Variants in SLC5A11 observed in about 807,000 individuals in gnomAD.
SLC5A11 encodes the protein solute carrier family 5 member 11, also known as sodium/myo-inositol cotransporter 2.
A neutral mutation model predicts 69.8 loss-of-function variants in SLC5A11; 48 were observed. The observed-to-expected ratio is 0.69, with a 90% CI of 0.55 to 0.87. SLC5A11 has a LOEUF of 0.87. SLC5A11 is among the 40% of genes least tolerant of loss of function. The pLI, the probability that SLC5A11 is intolerant of heterozygous loss-of-function variation, is 0.00. For missense variants in SLC5A11, 784 were observed against 866.1 expected (o/e 0.91, Z 1.19); for synonymous variants, 319 against 342.4 (o/e 0.93, Z 0.75).
intron 1 of SLC5A11, among the ~76,000 whole-genome samples, chr16:24,858,070 G>A (rs1290260751): frequency 6.6e-6 from 1 of 152,106 alleles, no homozygotes; most frequent in Non-Finnish European, 1.5e-5. Context: ...CTGTAAAATG[G>A]GGATGATAAC....
At chr16:24,878,086 C>A (rs984010332) in intron 7 of SLC5A11, among the ~76,000 whole-genome samples, 2 of 152,184 alleles carry the variant, frequency 1.3e-5, no homozygotes, top group South Asian at 2.1e-4. Context: ...CCCGGTGGGG[C>A]GGACGTTGCA....
chr16:24,856,019 C>A (rs568230882), intron 1 of SLC5A11, among the ~76,000 whole-genome samples: 2 of 152,338 alleles, frequency 1.3e-5, no homozygotes, highest in African/African-American at 4.8e-5. Context: ...TCTGATCATA[C>A]CACTTTCTTA....
intron 1 of SLC5A11, among the ~76,000 whole-genome samples, chr16:24,854,079 G>A (rs2152222864): frequency 6.6e-6 from 1 of 152,210 alleles, no homozygotes; most frequent in Non-Finnish European, 1.5e-5. Context: ...TGAATAACTT[G>A]TTTATCTGCT....
intron 7 of SLC5A11, among the ~76,000 whole-genome samples, chr16:24,882,959 T>C (rs1224618853): frequency 6.6e-6 from 1 of 152,192 alleles, no homozygotes; most frequent in Non-Finnish European, 1.5e-5. Flanking sequence ...TTCGAAGATT[T>C]TTGCAGGTGG....
At chr16:24,875,588 G>A (rs751629542) in intron 5 of SLC5A11, 39 bp from the exon 7 acceptor site, 5 of 1,570,118 alleles carry the variant, frequency 3.2e-6, no homozygotes, top group Non-Finnish European at 2.6e-6. Context: ...TGCTGGTGGT[G>A]AAGTCCGCTG....
At chr16:24,878,229 A>T (rs2047812668) in intron 7 of SLC5A11, among the ~76,000 whole-genome samples, 1 of 152,226 alleles carries the variant, frequency 6.6e-6, no homozygotes, top group African/African-American at 2.4e-5. Context: ...TGTATCCCAG[A>T]ACTGTTTCTT....
chr16:24,860,725 T>C (rs1417603255), intron 2 of SLC5A11, among the ~76,000 whole-genome samples: 3 of 152,108 alleles, frequency 2.0e-5, no homozygotes, highest in Non-Finnish European at 4.4e-5. Flanking sequence ...TTTTTTGTTT[T>C]GAGACGGAGT....
chr16:24,880,541 T>G (rs1046031769), intron 7 of SLC5A11, among the ~76,000 whole-genome samples: 2 of 151,912 alleles, frequency 1.3e-5, no homozygotes, highest in Non-Finnish European at 2.9e-5. Context: ...TCCATGTTGG[T>G]CAGGCTGGTT....
chr16:24,870,068 G>T, intron 4 of SLC5A11, 63 bp downstream of exon 5: 3 of 1,220,066 alleles, frequency 2.5e-6, no homozygotes, highest in African/African-American at 1.5e-5. Flanking sequence ...GATCTCAGGG[G>T]AAAGTTGTGT....
At chr16:24,873,398 T>C (rs1214827049) in intron 5 of SLC5A11, among the ~76,000 whole-genome samples, 1 of 151,696 alleles carries the variant, frequency 6.6e-6, no homozygotes, top group East Asian at 2.0e-4. Context: ...TGGGAGGCTG[T>C]GGTGGGAGGA....
intron 3 of SLC5A11, among the ~76,000 whole-genome samples, chr16:24,864,971 A>T (rs899265220): frequency 6.6e-6 from 1 of 152,162 alleles, no homozygotes; most frequent in Non-Finnish European, 1.5e-5. Context: ...ACAGAAAAAA[A>T]ACGAAGAGAA....
At chr16:24,883,813 C>A (rs2048204408) in intron 7 of SLC5A11, among the ~76,000 whole-genome samples, 1 of 152,228 alleles carries the variant, frequency 6.6e-6, no homozygotes, top group Admixed American at 6.5e-5. Flanking sequence ...AAGCAAGTCA[C>A]GTGGCCAAGC....
intron 10 of SLC5A11, among the ~76,000 whole-genome samples, chr16:24,905,628 ACG>A (rs148096402): frequency 3.4e-4 from 44 of 128,646 alleles, no homozygotes; most frequent in African/African-American, 6.5e-4. Flanking sequence ...TCTCAAAAAC[ACG>A]CGCGCGCGCG....
At chr16:24,867,655 T>C (rs1460359610) in intron 3 of SLC5A11, among the ~76,000 whole-genome samples, 1 of 152,028 alleles carries the variant, frequency 6.6e-6, no homozygotes, top group Non-Finnish European at 1.5e-5. Flanking sequence ...AGATGCAAAT[T>C]AATAAAATTA....
chr16:24,874,609 A>G (rs2047548992), intron 5 of SLC5A11, among the ~76,000 whole-genome samples: 1 of 152,062 alleles, frequency 6.6e-6, no homozygotes, highest in African/African-American at 2.4e-5. Flanking sequence ...CTCAGGCTGG[A>G]GTGCAGTGGC....
chr16:24,895,451 T>C (rs1751839431), intron 9 of SLC5A11, among the ~76,000 whole-genome samples: 1 of 150,664 alleles, frequency 6.6e-6, no homozygotes, highest in Non-Finnish European at 1.5e-5. Flanking sequence ...ATCCCAGCAC[T>C]GTACTCCAAC....
chr16:24,905,601 G>A (rs192046045), intron 10 of SLC5A11, among the ~76,000 whole-genome samples: 1 of 151,348 alleles, frequency 6.6e-6, no homozygotes, highest in Non-Finnish European at 1.5e-5. Context: ...CAGCCTGGGC[G>A]ACAGAGCAAG....
chr16:24,870,434 CAAAA>C (rs1297137037), intron 4 of SLC5A11, among the ~76,000 whole-genome samples: 1 of 137,526 alleles, frequency 7.3e-6, no homozygotes, highest in Admixed American at 7.5e-5. Flanking sequence ...ACAAAAAAAA[CAAAA>C]AAAAACACAC....
chr16:24,856,905 C>T (rs935412600), intron 1 of SLC5A11, among the ~76,000 whole-genome samples: 1 of 152,128 alleles, frequency 6.6e-6, no homozygotes, highest in African/African-American at 2.4e-5. Flanking sequence ...ACTGCAACCT[C>T]CACCTCCCAG....
Sources: gnomAD v4.1 joint callset for allele counts (sites outside exome capture counted in the v4.1 genomes callset) on GRCh38, gnomAD v4.1.1 for gene constraint, MANE v1.5 for transcripts, NCBI Gene and HGNC (gene_info 2026-07-23, HGNC 2026-07-21) for gene names.